RASSF5: variants seen among roughly 807,000 people sequenced by gnomAD.
The protein encoded by RASSF5 is Ras association domain family member 5.
Under a neutral mutation model 40.5 loss-of-function variants are expected in RASSF5, and 25 were observed. The observed-to-expected ratio is 0.62, with a 90% CI of 0.45 to 0.86. The LOEUF is 0.86. Ranked by LOEUF, RASSF5 falls within the 40% of genes least tolerant of loss-of-function variation. The probability of loss-of-function intolerance (pLI) is 0.00; values close to 1 mark genes in which losing one functional copy is unlikely to be tolerated. For missense variants in RASSF5, 521 were observed against 572.8 expected (o/e 0.91, Z 0.92); for synonymous variants, 246 against 252.4 (o/e 0.97, Z 0.24).
chr1:206,508,322 C>CCA (rs368124193), intron 1 of RASSF5, among the ~76,000 whole-genome samples: 33,276 of 146,418 alleles, frequency 0.23, 3,678 homozygotes, highest in Admixed American at 0.28. Flanking sequence ...CCTTGGCCCT[C>CCA]CACACACACA....
chr1:206,563,398 C>G (rs536872916), intron 2 of RASSF5, among the ~76,000 whole-genome samples: 1 of 152,324 alleles, frequency 6.6e-6, no homozygotes, highest in Admixed American at 6.5e-5. Flanking sequence ...TCTCTCTCAT[C>G]TGTCACTGAG....
chr1:206,542,254 G>T (rs1258757650), intron 2 of RASSF5: 4 of 152,216 alleles, frequency 2.6e-5, no homozygotes, highest in Non-Finnish European at 5.9e-5. Flanking sequence ...AGGTGTTTGG[G>T]TCATGGGGGT....
At chr1:206,523,552 A>G (rs1666977412) in intron 1 of RASSF5, among the ~76,000 whole-genome samples, 1 of 97,022 alleles carries the variant, frequency 1.0e-5, no homozygotes, top group African/African-American at 4.2e-5. Context: ...ATAAATATAT[A>G]TACACTCTAG....
Position 206,531,873 on chromosome 1 carries a change from T to C in RASSF5, c.458-6299T>C, listed in dbSNP as rs1185330695. On this transcript the variant is annotated intron_variant, in intron 1 of 5. Coordinates refer to ENST00000579436, the MANE Select transcript of RASSF5 (RefSeq NM_182663.4). The surrounding 1 kb of genome is among the most constrained non-coding windows in gnomAD (Gnocchi z 4.7). ...TAACATAGTGAAACCCTGTCTCTACTAAAAAAAAATAAATAAATAAATACA... is the reference window on the plus strand; with the variant it reads ...TAACATAGTGAAACCCTGTCTCTACCAAAAAAAAATAAATAAATAAATACA... Among the ~76,000 whole-genome samples the C allele has an allele frequency of 4.1e-5, 6 of 145,036 alleles. No homozygotes were observed. The highest frequency in any genetic ancestry group is 1.6e-4 in the African/African-American group (6 of 38,260).
chr1:206,566,084 C>A (rs78484618), intron 2 of RASSF5, among the ~76,000 whole-genome samples: 1 of 152,290 alleles, frequency 6.6e-6, no homozygotes, highest in Admixed American at 6.5e-5. Flanking sequence ...TCATGCCTGA[C>A]AGATGTCGCT....
At chr1:206,510,762 G>A (rs1666595010) in intron 1 of RASSF5, among the ~76,000 whole-genome samples, 1 of 152,200 alleles carries the variant, frequency 6.6e-6, no homozygotes, top group Non-Finnish European at 1.5e-5. Context: ...GAAGCCATTG[G>A]CTCCTTGTCT....
intron 1 of RASSF5, among the ~76,000 whole-genome samples, chr1:206,514,396 G>GGTA (rs1302651416): frequency 6.6e-6 from 1 of 152,252 alleles, no homozygotes; most frequent in Non-Finnish European, 1.5e-5. Flanking sequence ...TGCATGCTGA[G>GGTA]GGTCTATAAG....
At chr1:206,536,499 TGGTCCA>T (rs1217252260) in intron 1 of RASSF5, among the ~76,000 whole-genome samples, 4 of 151,626 alleles carry the variant, frequency 2.6e-5, no homozygotes, top group Admixed American at 6.6e-5. Flanking sequence ...GCAAGAAACA[TGGTCCA>T]GGTGCTTATC....
intron 1 of RASSF5, chr1:206,518,440 C>T: frequency 2.5e-6 from 1 of 398,702 alleles, no homozygotes. Context: ...GGGACAGTCA[C>T]TGCTCAGCTC....
intron 2 of RASSF5, among the ~76,000 whole-genome samples, chr1:206,553,863 A>G (rs1170038801): frequency 6.6e-6 from 1 of 152,198 alleles, no homozygotes; most frequent in African/African-American, 2.4e-5. Context: ...GCCGCAGAGT[A>G]TAGAGTTCAA....
Position 206,587,160 on chromosome 1 carries a change from C to T in RASSF5, c.*182C>T, listed in dbSNP as rs781858707. The T allele has an allele frequency of 2.7e-4, 182 of 670,548 alleles. 1 individual carries two copies. The highest frequency in any genetic ancestry group is 3.9e-4 in the Non-Finnish European group (153 of 393,958). 41.5% of individuals were successfully genotyped at this position (670,548 alleles called of 1,614,324 possible). A position where few individuals can be genotyped will look rare whatever the true frequency, so the allele number is the denominator to read the frequency against. On this transcript the variant is annotated 3_prime_UTR_variant, in exon 6 of 6. Coordinates refer to ENST00000579436, the MANE Select transcript of RASSF5 (RefSeq NM_182663.4). The stretch of plus-strand genomic sequence containing the variant: ...GTTTGCACGAGGGTTCAGCTGTGCC[C>T]GCCCCCAGGCTGTGCCCCACCACAG...
intron 2 of RASSF5, among the ~76,000 whole-genome samples, chr1:206,539,690 G>A (rs527573217): frequency 6.6e-6 from 1 of 152,288 alleles, no homozygotes; most frequent in Non-Finnish European, 1.5e-5. Context: ...ACCCTTAGCA[G>A]GAACTGTCTA....
chr1:206,509,058 A>G (rs375604674), intron 1 of RASSF5, among the ~76,000 whole-genome samples: 15 of 151,838 alleles, frequency 9.9e-5, no homozygotes, highest in East Asian at 7.7e-4. Context: ...TTACATGGAT[A>G]TTTCAAATAT....
At chr1:206,515,849 A>G (rs1553395329) in intron 1 of RASSF5, among the ~76,000 whole-genome samples, 1 of 152,190 alleles carries the variant, frequency 6.6e-6, no homozygotes. Context: ...TGAAAGAATT[A>G]TGTGGATTAT....
chr1:206,577,273 G>A (rs1345552034), intron 2 of RASSF5, among the ~76,000 whole-genome samples: 1 of 152,136 alleles, frequency 6.6e-6, no homozygotes, highest in Non-Finnish European at 1.5e-5. Context: ...TGCAGAGAAA[G>A]GAATTAACAA....
intron 2 of RASSF5, among the ~76,000 whole-genome samples, chr1:206,556,673 C>A (rs1400314863): frequency 3.9e-5 from 6 of 152,348 alleles, no homozygotes; most frequent in African/African-American, 1.4e-4. Context: ...TGCCATAACT[C>A]TGCATCTGAT....
In RASSF5 at chr1:206,507,557, C is replaced by A; in HGVS notation, c.-46C>A. 1 of 1,402,676 alleles carries A rather than the reference C, an allele frequency of 7.1e-7. No individual in the cohort carries two copies. The highest frequency in any genetic ancestry group is 9.4e-7 in the Non-Finnish European group (1 of 1,069,220). 86.9% of individuals were successfully genotyped at this position (1,402,676 alleles called of 1,614,324 possible). A position where few individuals can be genotyped will look rare whatever the true frequency, so the allele number is the denominator to read the frequency against. On this transcript the variant is annotated 5_prime_UTR_variant, in exon 1 of 6. Transcript: ENST00000579436. ...TCTCGGGGCTGGCTCGGGAGTAGCG[C>A]AGTCGCCAAAGCCGCCGCTGCCAAA...
Position 206,584,643 on chromosome 1 carries a change from A to G in RASSF5, c.947A>G (p.Gln316Arg). ...LKKFMVVDNP[Q>R]KFALFKRIHK... is the part of the protein sequence containing the mutation. ...AAGTTCATGGTTGTGGACAATCCCC[A>G]GAAGTTTGCACTTTTTAAGCGGATA... Residue 316 changes from glutamine to arginine, a missense_variant, in exon 4 of 6, where the codon CAG (glutamine) becomes CGG (arginine). Coordinates refer to ENST00000579436, the MANE Select transcript of RASSF5 (RefSeq NM_182663.4). The surrounding 1 kb of genome is among the most constrained non-coding windows in gnomAD (Gnocchi z 4.9). 6.2e-7 allele frequency: 1 copy of G among 1,614,240 alleles called. No individual in the cohort carries two copies. Among genetic ancestry groups the G allele is most frequent in the Non-Finnish European group, 8.5e-7 (1 of 1,180,046 alleles).
At chr1:206,520,606 CAA>C (rs548392441) in intron 1 of RASSF5, among the ~76,000 whole-genome samples, 15 of 119,630 alleles carry the variant, frequency 1.3e-4, no homozygotes, top group East Asian at 2.4e-4. Context: ...GACTCCATCT[CAA>C]AAAAAAAAAA....
Sources: allele counts gnomAD v4.1 joint callset (sites outside exome capture counted in the v4.1 genomes callset), GRCh38; gene constraint gnomAD v4.1.1; non-coding constraint Gnocchi (gnomAD v3.1); transcripts MANE v1.5; gene names NCBI Gene and HGNC (gene_info 2026-07-23, HGNC 2026-07-21).